DOCK3: variants seen among roughly 807,000 people sequenced by gnomAD.
DOCK3 encodes dedicator of cytokinesis 3.
DOCK3 carries 60 observed loss-of-function variants against 265.6 expected under a neutral mutation model. The observed-to-expected ratio is 0.23, with a 90% CI of 0.18 to 0.28. The LOEUF (loss-of-function observed/expected upper bound fraction) is 0.28. DOCK3 is among the 10% of genes least tolerant of loss of function. The pLI is 1.00. For missense variants in DOCK3, 1,981 were observed against 2,594.3 expected, an observed-to-expected ratio of 0.76 and a Z score of 5.14; for synonymous variants, 881 against 938.0, an observed-to-expected ratio of 0.94 and a Z score of 1.11.
Position 50,675,234 on chromosome 3 carries a change from C to G in DOCK3, c.-30C>G. On this transcript the variant is annotated 5_prime_UTR_variant, in exon 1 of 53. Coordinates refer to ENST00000266037, the MANE Select transcript of DOCK3 (RefSeq NM_004947.5). This position sits in a 1 kb window ranked among gnomAD's most constrained non-coding sequence, Gnocchi z 6.1. ...CCCCGCCGCGTTGTCGCCCGGTCGC[C>G]GCGCCCGCGGGGCCGCGCCCGGCAC... 2 of 1,162,218 alleles carry G rather than the reference C, an allele frequency of 1.7e-6. No homozygotes were observed. The highest frequency in any genetic ancestry group is 3.3e-5 in the African/African-American group (2 of 60,848). The allele number at this position is 1,162,218 out of a possible 1,614,324, so 72.0% of individuals were successfully genotyped here. A position where few individuals can be genotyped will look rare whatever the true frequency, so the allele number is the denominator to read the frequency against.
intron 4 of DOCK3, among the ~76,000 whole-genome samples, chr3:50,901,906 T>C (rs2049222866): frequency 6.6e-6 from 1 of 152,220 alleles, no homozygotes; most frequent in Non-Finnish European, 1.5e-5. Flanking sequence ...AGACCGGAGC[T>C]GTTCCTATTC....
At chr3:51,280,031 C>A in intron 26 of DOCK3, 75 bp from the exon 27 acceptor site, 2 of 1,232,484 alleles carry the variant, frequency 1.6e-6, no homozygotes, top group Non-Finnish European at 2.3e-6. Flanking sequence ...CCCTTCTCTC[C>A]TTGCCCTCTA....
At chr3:51,174,127 T>A (rs980188654) in intron 12 of DOCK3, among the ~76,000 whole-genome samples, 5 of 152,152 alleles carry the variant, frequency 3.3e-5, no homozygotes, top group Non-Finnish European at 7.3e-5. Flanking sequence ...TTCCAGTATA[T>A]CTTTTTAGTT....
At chr3:50,875,334 G>C (rs2047651639) in intron 3 of DOCK3, among the ~76,000 whole-genome samples, 1 of 152,174 alleles carries the variant, frequency 6.6e-6, no homozygotes, top group Non-Finnish European at 1.5e-5. Flanking sequence ...GTAGTACTAT[G>C]TTAAATAAAA....
chr3:50,948,502 CAA>C (rs754899200), intron 5 of DOCK3, among the ~76,000 whole-genome samples: 1 of 148,312 alleles, frequency 6.7e-6, no homozygotes, highest in African/African-American at 2.5e-5. Flanking sequence ...CTCCTGGACT[CAA>C]GAGATCCTCC....
At chr3:51,324,717 A>G (rs1191442487) in intron 32 of DOCK3, among the ~76,000 whole-genome samples, 1 of 152,180 alleles carries the variant, frequency 6.6e-6, no homozygotes, top group Non-Finnish European at 1.5e-5. Flanking sequence ...ACCAAAACAG[A>G]TATATAGACC....
intron 23 of DOCK3, among the ~76,000 whole-genome samples, chr3:51,270,454 A>G (rs555532002): frequency 6.6e-6 from 1 of 152,300 alleles, no homozygotes; most frequent in South Asian, 2.1e-4. Context: ...AAAGTTAAGA[A>G]CTTGATCATA....
intron 12 of DOCK3, among the ~76,000 whole-genome samples, chr3:51,178,580 G>A (rs1261137240): frequency 6.6e-6 from 1 of 152,200 alleles, no homozygotes; most frequent in Non-Finnish European, 1.5e-5. Context: ...CAGAGCTGGG[G>A]GACCTTGGAA....
chr3:51,208,027 C>T (rs1018311868), intron 12 of DOCK3, among the ~76,000 whole-genome samples: 5 of 152,114 alleles, frequency 3.3e-5, no homozygotes, highest in Admixed American at 2.6e-4. Flanking sequence ...TGCAGTTCTC[C>T]GGGAATTGAC....
chr3:51,339,171 A>C (rs2085074096), intron 37 of DOCK3, 143 bp downstream of exon 37: 3 of 663,850 alleles, frequency 4.5e-6, no homozygotes, highest in Non-Finnish European at 7.3e-6. Flanking sequence ...CACCTCACTC[A>C]TTTCCCTCAA....
rs769836329 is a variant in DOCK3 at position 51,237,588 on chromosome 3, C to T, written c.2100C>T (p.Tyr700=). 1.2e-6 allele frequency: 2 copies of T among 1,611,838 alleles called. No homozygotes were observed. The highest frequency in any genetic ancestry group is 1.1e-5 in the South Asian group (1 of 90,610). ...AGCACTTTGCTGGAGCTCTGGCATA[C>T]AAGTAAGTTCCATTTGGTATCATCA... The part of the protein sequence containing the change: ...IQKHFAGALA[Y]KELIRCLKWY... The change falls in exon 21 of 53, where the codon TAC becomes TAT. Residue 700 remains tyrosine, a splice_region_variant and synonymous_variant. Coordinates refer to ENST00000266037, the MANE Select transcript of DOCK3 (RefSeq NM_004947.5).
intron 5 of DOCK3, among the ~76,000 whole-genome samples, chr3:50,966,978 TATA>T (rs1162241323): frequency 1.3e-5 from 2 of 152,216 alleles, no homozygotes; most frequent in Admixed American, 1.3e-4. Flanking sequence ...ACATAGTAAT[TATA>T]ATCAAATTAG....
At chr3:50,721,699 T>C (rs1317842356) in intron 1 of DOCK3, among the ~76,000 whole-genome samples, 1 of 152,200 alleles carries the variant, frequency 6.6e-6, no homozygotes, top group Admixed American at 6.5e-5. Flanking sequence ...TTCATATGAA[T>C]TTTAGAATAA....
At chr3:51,091,087 T>C (rs976060549) in intron 9 of DOCK3, among the ~76,000 whole-genome samples, 5 of 152,230 alleles carry the variant, frequency 3.3e-5, no homozygotes, top group African/African-American at 1.2e-4. Context: ...AGGAATAAAA[T>C]GATGCACCCA....
intron 27 of DOCK3, among the ~76,000 whole-genome samples, chr3:51,294,453 C>T (rs1044058146): frequency 4.6e-5 from 7 of 151,996 alleles, no homozygotes; most frequent in African/African-American, 1.2e-4. Context: ...CCAAGGCAGG[C>T]GGATCACGAG....
chr3:50,723,157 T>A (rs1303497956), intron 1 of DOCK3, among the ~76,000 whole-genome samples: 1 of 152,106 alleles, frequency 6.6e-6, no homozygotes, highest in African/African-American at 2.4e-5. Context: ...GAAGAATTCA[T>A]TTGGTGGTCT....
At chr3:51,349,299 T>A (rs2085809304) in intron 39 of DOCK3, among the ~76,000 whole-genome samples, 1 of 152,226 alleles carries the variant, frequency 6.6e-6, no homozygotes, top group East Asian at 1.9e-4. Context: ...TTCCCCACTT[T>A]GCTTATGGTC....
intron 10 of DOCK3, among the ~76,000 whole-genome samples, chr3:51,149,653 T>C (rs2085480655): frequency 6.6e-6 from 1 of 152,162 alleles, no homozygotes; most frequent in African/African-American, 2.4e-5. Context: ...TATTGATTTG[T>C]GTATGTTGAA....
intron 39 of DOCK3, 81 bp from the exon 40 acceptor site, chr3:51,350,207 C>A: frequency 8.2e-7 from 1 of 1,221,180 alleles, no homozygotes; most frequent in Non-Finnish European, 1.2e-6. Flanking sequence ...TTCCAGAAGA[C>A]AGTGTCCAGT....
Sources: allele counts gnomAD v4.1 joint callset (sites outside exome capture counted in the v4.1 genomes callset), GRCh38; gene constraint gnomAD v4.1.1; non-coding constraint Gnocchi (gnomAD v3.1); transcripts MANE v1.5; gene names NCBI Gene and HGNC (gene_info 2026-07-23, HGNC 2026-07-21).